BAHCC1: variants seen among roughly 807,000 people sequenced by gnomAD.
BAHCC1 encodes the protein BAH and coiled-coil domain-containing protein 1.
BAHCC1 carries 43 observed loss-of-function variants against 88.2 expected under a neutral mutation model. That is an observed-to-expected ratio of 0.49 (90% CI 0.38 to 0.63). The LOEUF (loss-of-function observed/expected upper bound fraction) is 0.63. BAHCC1 is among the 20% of genes least tolerant of loss of function. BAHCC1 has a pLI of 0.00. For synonymous variants in BAHCC1, 1,510 were observed against 745.5 expected (o/e 2.03, Z -16.71); for missense variants, 3,023 against 1,654.8 (o/e 1.83, Z -14.34).
At chr17:81,449,815 C>G (rs1555655383) in intron 11 of BAHCC1, among the ~76,000 whole-genome samples, 1 of 152,190 alleles carries the variant, frequency 6.6e-6, no homozygotes, top group African/African-American at 2.4e-5. Context: ...CGAGCACCTC[C>G]TGGCTTCTTA....
chr17:81,463,594 G>A lies in BAHCC1; in HGVS notation c.7621-17G>A, dbSNP rs781968216. 4.2e-5 allele frequency: 33 copies of A among 778,960 alleles called. No homozygotes were observed. Among genetic ancestry groups the A allele is most frequent in the Non-Finnish European group, 5.7e-5 (24 of 417,794 alleles). The allele number at this position is 778,960 out of a possible 1,614,324, so 48.3% of individuals were successfully genotyped here. A position where few individuals can be genotyped will look rare whatever the true frequency, so the allele number is the denominator to read the frequency against. ...GGCCAAGGCCGGCCACTGATGCCCC[G>A]CGCGCCTTGCCCCCAGAATGCGCTG... On this transcript the variant is annotated splice_polypyrimidine_tract_variant and intron_variant, in intron 27 of 27. Transcript: ENST00000675386.
In BAHCC1 at chr17:81,456,341, GC is replaced by G; in HGVS notation, c.4617del (p.Ser1540ProfsTer9). On this transcript the variant is annotated frameshift_variant, in exon 16 of 28. Transcript: ENST00000675386. LOFTEE classifies it high-confidence loss of function. ...KKSSCQGGLA[P>X]SVAHRVAQLK... ...AGAGCAGCTGTCAGGGCGGGCTGGC[GC>G]CCTCCGTGGCCCACAGGGTGGCCCA... 1.4e-6 allele frequency: 1 copy of G among 723,064 alleles called. No homozygotes were observed. The allele number at this position is 723,064 out of a possible 1,614,324, so 44.8% of individuals were successfully genotyped here.
In BAHCC1 at chr17:81,442,263, G is replaced by C. The variant is rs782052171; in HGVS notation, c.914G>C (p.Gly305Ala). The change falls in exon 5 of 28, where the codon GGC becomes GCC. Residue 305 changes from glycine to alanine, a missense_variant. By Grantham distance (60) the Gly-to-Ala change is moderately conservative. Coordinates refer to ENST00000675386, the MANE Select transcript of BAHCC1 (RefSeq NM_001377448.1). ...GRAALASCAG[G>A]MLGRPGTGVV... ...GCTGCGCTAGCCAGCTGTGCAGGGG[G>C]CATGCTGGGGCGGCCTGGCACGGGG... is the stretch of plus-strand genomic sequence containing the variant. 3 of 626,306 alleles carry C rather than the reference G, an allele frequency of 4.8e-6. No individual in the cohort carries two copies. In the South Asian group the frequency reaches 5.5e-5, roughly 12 times the overall value. 38.8% of individuals were successfully genotyped at this position (626,306 alleles called of 1,614,324 possible). A position where few individuals can be genotyped will look rare whatever the true frequency, so the allele number is the denominator to read the frequency against.
chr17:81,458,911 C>T lies in BAHCC1; in HGVS notation c.5547C>T (p.Asp1849=), dbSNP rs199934043. The change falls in exon 20 of 28, where the codon GAC becomes GAT. Residue 1849 remains aspartate, a synonymous_variant. Coordinates refer to ENST00000675386, the MANE Select transcript of BAHCC1 (RefSeq NM_001377448.1). ...GCAGCTTCTCGGAAGAGGAGGAGGA[C>T]GAGGAGGAAGAGGAGGAGGACAGCG... is the stretch of plus-strand genomic sequence containing the variant. ...DNSSFSEEEE[D]EEEEEEDSGP... is the part of the protein sequence containing the mutation. 4.7e-5 allele frequency: 36 copies of T among 771,102 alleles called. No individual in the cohort carries two copies. The highest frequency in any genetic ancestry group is 3.7e-4 in the African/African-American group (22 of 59,130). 47.8% of individuals were successfully genotyped at this position (771,102 alleles called of 1,614,324 possible).
intron 20 of BAHCC1, 35 bp downstream of exon 20, chr17:81,459,004 G>T: frequency 1.4e-6 from 1 of 723,124 alleles, no homozygotes; most frequent in Middle Eastern, 2.3e-4. Flanking sequence ...AGCCGCCTGG[G>T]GAGGGGTGGT....
At chr17:81,419,673 G>A (rs1413265789) in intron 2 of BAHCC1, among the ~76,000 whole-genome samples, 5 of 152,168 alleles carry the variant, frequency 3.3e-5, no homozygotes, top group African/African-American at 9.7e-5. Flanking sequence ...CGCCAGACTC[G>A]GAGCCGGGGA....
chr17:81,422,561 C>T (rs1754051581), intron 2 of BAHCC1, among the ~76,000 whole-genome samples: 1 of 152,196 alleles, frequency 6.6e-6, no homozygotes, highest in African/African-American at 2.4e-5. Context: ...CTCTCATTCC[C>T]CAGACTGTGG....
chr17:81,416,194 G>A (rs2064021081), intron 2 of BAHCC1, among the ~76,000 whole-genome samples: 1 of 150,744 alleles, frequency 6.6e-6, no homozygotes, highest in South Asian at 2.1e-4. Context: ...ATGAGGGTGG[G>A]TGTATGCGCG....
intron 14 of BAHCC1, 23 bp downstream of exon 14, chr17:81,452,874 G>A (rs782282489): frequency 8.3e-6 from 6 of 722,012 alleles, no homozygotes; most frequent in South Asian, 7.5e-5. Context: ...CACTGGCATG[G>A]CAGGGCGCGT....
chr17:81,452,104 A>G lies in BAHCC1; in HGVS notation c.4313A>G (p.His1438Arg). The G allele has an allele frequency of 1.6e-6, 1 of 630,834 alleles. No individual in the cohort carries two copies. The highest frequency in any genetic ancestry group is 2.8e-6 in the Non-Finnish European group (1 of 357,190). 39.1% of individuals were successfully genotyped at this position (630,834 alleles called of 1,614,324 possible). A position where few individuals can be genotyped will look rare whatever the true frequency, so the allele number is the denominator to read the frequency against. Residue 1438 changes from histidine to arginine, a missense_variant, in exon 13 of 28, where the codon CAT becomes CGT. By Grantham distance (29) the His-to-Arg change is conservative. Coordinates refer to ENST00000675386, the MANE Select transcript of BAHCC1 (RefSeq NM_001377448.1). ...GCCCGCCTGCAGCGCAAGCACGACCATGAGTACGCCTGGCGTGGCGGGGGG... is the reference window on the plus strand; with the variant it reads ...GCCCGCCTGCAGCGCAAGCACGACCGTGAGTACGCCTGGCGTGGCGGGGGG... ...ELARLQRKHD[H>R]ERDESSRSPA...
Position 81,461,066 on chromosome 17 carries a change from C to T in BAHCC1, c.6403C>T (p.Arg2135Cys), listed in dbSNP as rs368462655. The change falls in exon 26 of 28, where the codon CGC (arginine) becomes TGC (cysteine). Residue 2135 changes from arginine (R) to cysteine (C), a missense_variant. Arg to Cys is a radical substitution (Grantham distance 180, BLOSUM62 -3). Transcript: ENST00000675386. Reference protein sequence around the residue: ...LNGSSKKLRAREALFPVHSVA... With the variant: ...LNGSSKKLRACEALFPVHSVA... ...CGGCAGCAGCAAGAAGCTGCGGGCC[C>T]GCGAGGCCCTGTTCCCCGTGCACAG... 1.1e-4 allele frequency: 88 copies of T among 770,516 alleles called. No individual in the cohort carries two copies. The highest frequency in any genetic ancestry group is 1.1e-3 in the African/African-American group (66 of 59,184). The allele number at this position is 770,516 out of a possible 1,614,324, so 47.7% of individuals were successfully genotyped here.
intron 5 of BAHCC1, 59 bp from the exon 6 acceptor site, chr17:81,443,744 TGCCTTA>T: frequency 1.4e-6 from 1 of 697,696 alleles, no homozygotes; most frequent in East Asian, 2.7e-5. Flanking sequence ...GGTCACTGCT[TGCCTTA>T]GCTGGTGGCT....
chr17:81,433,844 A>C (rs1416342355), intron 3 of BAHCC1, among the ~76,000 whole-genome samples: 1 of 152,334 alleles, frequency 6.6e-6, no homozygotes, highest in East Asian at 1.9e-4. Context: ...TCAGCCCAGC[A>C]CTCGGGGCCT....
intron 4 of BAHCC1, among the ~76,000 whole-genome samples, 182 bp from the exon 5 acceptor site, chr17:81,441,642 ACAGAGGG>A (rs1267032887): frequency 6.9e-6 from 1 of 145,842 alleles, no homozygotes; most frequent in Non-Finnish European, 1.5e-5. Context: ...AGCCTGGGCG[ACAGAGGG>A]CAGAGCGAGA....
intron 2 of BAHCC1, among the ~76,000 whole-genome samples, chr17:81,410,291 G>C (rs1555647646): frequency 1.3e-5 from 2 of 152,178 alleles, no homozygotes. Flanking sequence ...CCTCCCCCCT[G>C]GGCAGCAGGC....
rs187501405 is a variant in BAHCC1, at chr17:81,449,177, C to T, written c.3976+1329C>T. ...ATGTGGCTTAACCCAGCATGGATGT[C>T]GTCACACTCCGGCCAGGCCAGGTGT... is the stretch of plus-strand genomic sequence containing the variant. On this transcript the variant is annotated intron_variant, in intron 11 of 27. Transcript: ENST00000675386. 6.7e-3 allele frequency among the ~76,000 whole-genome samples: 1,026 copies of T among 152,242 alleles called. 5 individuals are homozygous for T. Among genetic ancestry groups the T allele is most frequent in the African/African-American group, 0.023 (971 of 41,530 alleles).
chr17:81,463,469 G>T (rs2030478194), intron 27 of BAHCC1, 142 bp from the exon 28 acceptor site: 2 of 649,626 alleles, frequency 3.1e-6, no homozygotes, highest in African/African-American at 1.8e-5. Flanking sequence ...TCCCTGGCAG[G>T]TTCCTCGGCC....
At chr17:81,405,968 G>A (rs540257161) in intron 2 of BAHCC1, among the ~76,000 whole-genome samples, 10 of 152,360 alleles carry the variant, frequency 6.6e-5, no homozygotes, top group South Asian at 2.1e-4. Flanking sequence ...CTGTGGAAGC[G>A]ATACAGGGAC....
intron 11 of BAHCC1, 23 bp downstream of exon 11, chr17:81,447,871 C>A (rs11650750): frequency 0.34 from 246,631 of 716,650 alleles, 43,934 homozygotes; most frequent in Non-Finnish European, 0.36. Flanking sequence ...GTTGCCGCCA[C>A]CCCCCAGAGT....
Sources: gnomAD v4.1 joint callset for allele counts (sites outside exome capture counted in the v4.1 genomes callset) on GRCh38, gnomAD v4.1.1 for gene constraint, MANE v1.5 for transcripts, NCBI Gene and HGNC (gene_info 2026-07-23, HGNC 2026-07-21) for gene names.